The following SMYD3 variants were observed in gnomAD, a reference collection of about 807,000 sequenced individuals.
The protein encoded by SMYD3 is histone-lysine N-methyltransferase SMYD3.
In SMYD3, 36 loss-of-function variants were observed where a neutral mutation model predicts 57.7. The ratio of observed to expected loss-of-function variants is 0.62; its 90% confidence interval spans 0.48 to 0.82. The LOEUF (loss-of-function observed/expected upper bound fraction) is 0.82. Among genes scored for constraint, SMYD3 ranks in the 40% least tolerant of loss-of-function variants. The pLI, the probability that SMYD3 is intolerant of heterozygous loss-of-function variation, is 0.00. For synonymous variants in SMYD3, 211 were observed against 195.0 expected (o/e 1.08, Z -0.68); for missense variants, 515 against 538.8 (o/e 0.96, Z 0.44).
intron 10 of SMYD3, among the ~76,000 whole-genome samples, chr1:245,815,870 G>C (rs1385482858): frequency 2.0e-5 from 3 of 152,214 alleles, no homozygotes; most frequent in Non-Finnish European, 4.4e-5. Context: ...GCAGAGATCA[G>C]GCCTTGGACC....
At chr1:246,187,648 G>A (rs578254574) in intron 5 of SMYD3, among the ~76,000 whole-genome samples, 12 of 152,226 alleles carry the variant, frequency 7.9e-5, no homozygotes, top group East Asian at 7.7e-4. Context: ...TCTAGATTCC[G>A]TTCATTTCTA....
At chr1:246,392,596 C>A (rs1322889774) in intron 1 of SMYD3, among the ~76,000 whole-genome samples, 3 of 151,846 alleles carry the variant, frequency 2.0e-5, no homozygotes, top group African/African-American at 7.3e-5. Flanking sequence ...TACAAGAACA[C>A]ACCACCACAT....
At chr1:246,193,982 A>G (rs2062786610) in intron 5 of SMYD3, among the ~76,000 whole-genome samples, 1 of 152,226 alleles carries the variant, frequency 6.6e-6, no homozygotes, top group Non-Finnish European at 1.5e-5. Flanking sequence ...CAAAATGGAT[A>G]CAAATTGGTC....
At chr1:246,419,801 T>C (rs2067115785) in intron 1 of SMYD3, among the ~76,000 whole-genome samples, 1 of 152,234 alleles carries the variant, frequency 6.6e-6, no homozygotes, top group Non-Finnish European at 1.5e-5. Context: ...TAGTTTCATC[T>C]AGAAACCATC....
intron 5 of SMYD3, among the ~76,000 whole-genome samples, chr1:245,933,355 G>A (rs939603175): frequency 1.3e-5 from 2 of 152,096 alleles, no homozygotes; most frequent in Non-Finnish European, 2.9e-5. Flanking sequence ...TTAAGCTTGA[G>A]TATTACTTTA....
intron 5 of SMYD3, among the ~76,000 whole-genome samples, chr1:245,991,492 GT>G (rs1351661358): frequency 6.6e-6 from 1 of 152,208 alleles, no homozygotes; most frequent in African/African-American, 2.4e-5. Context: ...CCGCCTCAGG[GT>G]GTTTCAGGAG....
intron 5 of SMYD3, among the ~76,000 whole-genome samples, chr1:246,074,365 T>TAAA (rs60088316): frequency 6.4e-5 from 9 of 140,566 alleles, no homozygotes; most frequent in African/African-American, 2.3e-4. Context: ...CAAAAAAAAT[T>TAAA]AAAAAAAAAA....
intron 5 of SMYD3, among the ~76,000 whole-genome samples, chr1:246,134,497 T>C (rs1461053872): frequency 1.3e-5 from 2 of 152,104 alleles, no homozygotes; most frequent in East Asian, 3.8e-4. Flanking sequence ...TAACACATAC[T>C]ATTTATATGC....
At chr1:245,966,253 C>T (rs1483181851) in intron 5 of SMYD3, among the ~76,000 whole-genome samples, 1 of 152,088 alleles carries the variant, frequency 6.6e-6, no homozygotes, top group African/African-American at 2.4e-5. Flanking sequence ...CCAACTGTAA[C>T]CTCGAATTCC....
chr1:246,316,591 G>A (rs2065163613), intron 5 of SMYD3, among the ~76,000 whole-genome samples: 1 of 138,230 alleles, frequency 7.2e-6, no homozygotes, highest in Non-Finnish European at 1.5e-5. Context: ...ATGTTGCCCA[G>A]GATGGTCTTG....
intron 10 of SMYD3, among the ~76,000 whole-genome samples, chr1:245,770,234 T>C (rs1336776986): frequency 6.6e-6 from 1 of 152,188 alleles, no homozygotes; most frequent in Non-Finnish European, 1.5e-5. Context: ...AGGTGAACCT[T>C]GTATTCATTG....
chr1:246,083,180 G>C (rs1310607674), intron 5 of SMYD3, among the ~76,000 whole-genome samples: 1 of 151,920 alleles, frequency 6.6e-6, no homozygotes, highest in Non-Finnish European at 1.5e-5. Flanking sequence ...GAAGGCATCT[G>C]TCTCCTGCTC....
intron 1 of SMYD3, among the ~76,000 whole-genome samples, chr1:246,363,286 G>A (rs1375185567): frequency 2.0e-5 from 3 of 151,480 alleles, no homozygotes; most frequent in African/African-American, 4.9e-5. Flanking sequence ...CGCCCCGTCC[G>A]GGAGGGAGGT....
chr1:246,327,207 A>C lies in SMYD3; in HGVS notation c.525T>G (p.Phe175Leu). The C allele has an allele frequency of 1.2e-6, 2 of 1,614,056 alleles. No homozygotes were observed. The highest frequency in any genetic ancestry group is 1.7e-6 in the Non-Finnish European group (2 of 1,179,996). Residue 175 changes from phenylalanine to leucine, a missense_variant, in exon 5 of 12, where the codon TTT (phenylalanine) becomes TTG (leucine). Phe to Leu is a conservative substitution (Grantham distance 22). Transcript: ENST00000490107. Reference protein sequence around the residue: ...LPPAFDLFEAFAKVICNSFTI... With the variant: ...LPPAFDLFEALAKVICNSFTI... ...GAGCAAACTTAACACTTACTTTTGC[A>C]AAGGCTTCAAAAAGGTCAAAGGCAG...
chr1:245,940,459 CCTCCACTGGTGA>C (rs1353637647), intron 5 of SMYD3, among the ~76,000 whole-genome samples: 1 of 152,148 alleles, frequency 6.6e-6, no homozygotes, highest in Non-Finnish European at 1.5e-5. Flanking sequence ...TATTCTGCAG[CCTCCACTGGTGA>C]TACCTCCAGG....
rs1191271757 is a variant in SMYD3 at position 246,431,588 on chromosome 1, G to T, written c.164+75466C>A. 3.9e-5 allele frequency among the ~76,000 whole-genome samples: 6 copies of T among 152,230 alleles called. 1 individual carries two copies. In the East Asian group the frequency reaches 1.2e-3, roughly 29 times the overall value. Reference sequence around the variant, plus strand: ...CTACTAAAAATACAAAAATCAGCCAGGCATGCTGGTGTGCGCCTGCAGTCC... The same window carrying T: ...CTACTAAAAATACAAAAATCAGCCATGCATGCTGGTGTGCGCCTGCAGTCC... On this transcript the variant is annotated intron_variant, in intron 1 of 11. Coordinates refer to ENST00000490107, the MANE Select transcript of SMYD3 (RefSeq NM_001167740.2).
intron 1 of SMYD3, among the ~76,000 whole-genome samples, chr1:246,400,116 C>T (rs1296416743): frequency 6.6e-6 from 1 of 152,122 alleles, no homozygotes; most frequent in Non-Finnish European, 1.5e-5. Context: ...GATATATAAT[C>T]CTAAAAAATG....
intron 4 of SMYD3, among the ~76,000 whole-genome samples, chr1:246,328,502 G>A (rs369945828): frequency 6.6e-6 from 1 of 152,000 alleles, no homozygotes. Context: ...TGAATACTTT[G>A]CTGTCTTTTA....
chr1:246,124,154 C>T (rs1474164299), intron 5 of SMYD3, among the ~76,000 whole-genome samples: 1 of 152,190 alleles, frequency 6.6e-6, no homozygotes, highest in Non-Finnish European at 1.5e-5. Flanking sequence ...GCAAAAGCAA[C>T]TGTTTTAATA....
Sources: allele counts gnomAD v4.1 joint callset (sites outside exome capture counted in the v4.1 genomes callset), GRCh38; gene constraint gnomAD v4.1.1; transcripts MANE v1.5; gene names NCBI Gene and HGNC (gene_info 2026-07-23, HGNC 2026-07-21).